NLRP2: variants seen among roughly 807,000 people sequenced by gnomAD.
NLRP2 encodes the protein NACHT, LRR and PYD domains-containing protein 2.
Under a neutral mutation model 97.2 loss-of-function variants are expected in NLRP2, and 107 were observed. That is an observed-to-expected ratio of 1.10 (90% confidence interval 0.94 to 1.29). The LOEUF is 1.29. NLRP2 is among the 50% of genes most tolerant of loss of function. NLRP2 has a pLI of 0.00. For synonymous variants in NLRP2, 663 were observed against 551.5 expected (o/e 1.20, Z -2.83); for missense variants, 1,495 against 1,330.3 (o/e 1.12, Z -1.93).
intron 3 of NLRP2, among the ~76,000 whole-genome samples, chr19:54,974,871 C>A (rs905849805): frequency 6.6e-6 from 1 of 152,088 alleles, no homozygotes; most frequent in African/African-American, 2.4e-5. Context: ...ACGACCTCGG[C>A]TGACTGCAAC....
intron 12 of NLRP2, among the ~76,000 whole-genome samples, chr19:54,998,026 T>C (rs1197810978): frequency 3.1e-5 from 2 of 65,196 alleles, no homozygotes; most frequent in African/African-American, 4.3e-5. Flanking sequence ...TTTTTCTTTC[T>C]TTTTTTTTTT....
In NLRP2 at chr19:54,985,677, C is replaced by CAAA. The variant is rs113852885; in HGVS notation, c.2202-455_2202-453dup. On this transcript the variant is annotated intron_variant, in intron 7 of 12. Transcript: ENST00000448584. ...TGAGTGACAGAGCGAGACTGCGTCT[C>CAAA]AAAAAAAAAAAAAAAAAAAAAGAAA... Among the ~76,000 whole-genome samples, 166 of 67,892 alleles carry CAAA rather than the reference C, an allele frequency of 2.4e-3. 1 individual carries two copies. Among genetic ancestry groups the CAAA allele is most frequent in the Middle Eastern group, 7.6e-3 (1 of 132 alleles). 44.5% of individuals were successfully genotyped at this position (67,892 alleles called of 152,430 possible).
At chr19:54,985,688 AAAAAAAAAAAG>A (rs2072015940) in intron 7 of NLRP2, among the ~76,000 whole-genome samples, 1 of 149,440 alleles carries the variant, frequency 6.7e-6, no homozygotes, top group African/African-American at 2.5e-5. Flanking sequence ...AAAAAAAAAA[AAAAAAAAAAAG>A]AAAAAGAAAA....
At chr19:54,967,919 T>G (rs1429630372) in intron 1 of NLRP2, among the ~76,000 whole-genome samples, 3 of 101,568 alleles carry the variant, frequency 3.0e-5, no homozygotes, top group African/African-American at 9.7e-5. Context: ...CTACTGCTAT[T>G]TTTTTTTTTT....
Position 54,982,601 on chromosome 19 carries a change from C to T in NLRP2, c.903C>T (p.Ile301=), listed in dbSNP as rs144397371. The T allele has an allele frequency of 1.4e-4, 221 of 1,613,994 alleles. No individual in the cohort carries two copies. Among genetic ancestry groups the T allele is most frequent in the Non-Finnish European group, 1.8e-4 (209 of 1,180,022 alleles). ...TGGGAGCCGCACCTGGGGCGCTGAT[C>T]GAGGACATCTGCGGGGACTGGGAGA... The part of the protein sequence containing the change: ...DELGAAPGAL[I]EDICGDWEKK... Residue 301 remains isoleucine, a synonymous_variant, in exon 6 of 13, where the codon ATC becomes ATT. Transcript: ENST00000448584.
rs749684265 is a variant in NLRP2 at position 54,976,810 on chromosome 19, C to CTTTTTTTTTTT, written c.326-941_326-940insTTTTTTTTTTT. On this transcript the variant is annotated intron_variant, in intron 3 of 12. Transcript: ENST00000448584. ...TTATTAGGATTCCACCTTGTTCTCT[C>CTTTTTTTTTTT]TCTTTTTTTTTTTTTTTTTGATACG... 1,796 of 318,984 alleles carry CTTTTTTTTTTT rather than the reference C, an allele frequency of 5.6e-3. 232 individuals are homozygous for CTTTTTTTTTTT. Among genetic ancestry groups the CTTTTTTTTTTT allele is most frequent in the East Asian group, 7.3e-3 (62 of 8,494 alleles). The allele number at this position is 318,984 out of a possible 1,614,324, so 19.8% of individuals were successfully genotyped here. A position where few individuals can be genotyped will look rare whatever the true frequency, so the allele number is the denominator to read the frequency against.
At chr19:54,991,560 AAATT>A (rs1275296463) in intron 10 of NLRP2, 1 of 151,346 alleles carries the variant, frequency 6.6e-6, no homozygotes, top group East Asian at 2.0e-4. Context: ...CAAAAAAAAA[AAATT>A]ATAGGACAAA....
Position 54,982,056 on chromosome 19 carries a change from G to T in NLRP2, c.464-106G>T, listed in dbSNP as rs2071608538. Reference sequence around the variant, plus strand: ...ACCTCCCAAAGGGCTGGGATTACAGGCATGAGCCACTGTGCCCGGCCAACA... The same window carrying T: ...ACCTCCCAAAGGGCTGGGATTACAGTCATGAGCCACTGTGCCCGGCCAACA... On this transcript the variant is annotated intron_variant, in intron 5 of 12. Transcript: ENST00000448584. 4.2e-6 allele frequency: 6 copies of T among 1,420,910 alleles called. 1 individual carries two copies. The Admixed American group carries it at 8.4e-5, about 20-fold the overall frequency. The allele number at this position is 1,420,910 out of a possible 1,614,324, so 88.0% of individuals were successfully genotyped here.
chr19:54,996,147 CA>C (rs1281130085), intron 11 of NLRP2, among the ~76,000 whole-genome samples: 1 of 151,860 alleles, frequency 6.6e-6, no homozygotes, highest in Non-Finnish European at 1.5e-5. Context: ...GTCAAGGCTG[CA>C]GTGAGCCAAG....
intron 2 of NLRP2, among the ~76,000 whole-genome samples, chr19:54,972,482 C>T (rs1277311897): frequency 6.6e-6 from 1 of 152,020 alleles, no homozygotes; most frequent in East Asian, 1.9e-4. Flanking sequence ...TGCCCAGCTA[C>T]ACTTTTTTTT....
At chr19:54,986,556 CTTTT>C (rs72407709) in intron 8 of NLRP2, among the ~76,000 whole-genome samples, 2 of 144,592 alleles carry the variant, frequency 1.4e-5, no homozygotes, top group African/African-American at 5.1e-5. Flanking sequence ...TCTTTATCAT[CTTTT>C]TTTTTTTTTT....
At chr19:54,971,645 G>C (rs269914) in intron 2 of NLRP2, among the ~76,000 whole-genome samples, 114,865 of 151,586 alleles carry the variant, frequency 0.76, 43,890 homozygotes, top group African/African-American at 0.84. Flanking sequence ...TGTTCATGTC[G>C]TTCGCCCACT....
intron 7 of NLRP2, 79 bp from the exon 8 acceptor site, chr19:54,986,072 A>G (rs2072053457): frequency 1.1e-6 from 1 of 931,550 alleles, no homozygotes; most frequent in Non-Finnish European, 1.8e-6. Flanking sequence ...AAGTTTAAAT[A>G]TATCGAGCCC....
intron 11 of NLRP2, 62 bp downstream of exon 11, chr19:54,994,501 A>G: frequency 6.4e-7 from 1 of 1,573,724 alleles, no homozygotes; most frequent in East Asian, 2.2e-5. Flanking sequence ...TGGCTAGTGT[A>G]AAATAATCAG....
chr19:54,988,411 A>G (rs890080501), intron 8 of NLRP2, among the ~76,000 whole-genome samples: 3 of 151,274 alleles, frequency 2.0e-5, no homozygotes, highest in Non-Finnish European at 4.4e-5. Flanking sequence ...TTCTCCGTCA[A>G]CCTCCCAAGT....
At chr19:54,994,106 T>A (rs373293776) in intron 10 of NLRP2, 163 bp from the exon 11 acceptor site, 21 of 771,896 alleles carry the variant, frequency 2.7e-5, no homozygotes, top group Non-Finnish European at 3.6e-5. Flanking sequence ...TGGACATCTT[T>A]AGGGGAGGCC....
At position 54,994,618 on chromosome 19, in the gene NLRP2, G is replaced by GT. The variant is rs560512287; in HGVS notation, c.2879+190dup. ...AGTTCTAGTCTATGTCTAAGTTTTT[G>GT]TTTTTTTTTTTCTTGAAGTTTTGCT... On this transcript the variant is annotated intron_variant, in intron 11 of 12. Transcript: ENST00000448584. 3.3e-3 allele frequency among the ~76,000 whole-genome samples: 484 copies of GT among 145,770 alleles called. 1 individual carries two copies. The highest frequency in any genetic ancestry group is 9.0e-3 in the South Asian group (41 of 4,578).
At chr19:54,988,677 G>GC (rs2072257457) in intron 8 of NLRP2, among the ~76,000 whole-genome samples, 1 of 152,032 alleles carries the variant, frequency 6.6e-6, no homozygotes, top group African/African-American at 2.4e-5. Context: ...GTGCCACCAC[G>GC]CCCAGCTAAT....
At chr19:54,987,508 G>T (rs746968376) in intron 8 of NLRP2, among the ~76,000 whole-genome samples, 1 of 152,144 alleles carries the variant, frequency 6.6e-6, no homozygotes, top group Admixed American at 6.6e-5. Flanking sequence ...CTGGGAGGCC[G>T]AGGTGGGTGG....
Sources: gnomAD v4.1 joint callset for allele counts (sites outside exome capture counted in the v4.1 genomes callset) on GRCh38, gnomAD v4.1.1 for gene constraint, MANE v1.5 for transcripts, NCBI Gene and HGNC (gene_info 2026-07-23, HGNC 2026-07-21) for gene names.